The following GRID2 variants were observed in gnomAD, a reference collection of about 807,000 sequenced individuals.
GRID2 encodes glutamate receptor ionotropic, delta-2.
A neutral mutation model predicts 114.8 loss-of-function variants in GRID2; 33 were observed. That is an observed-to-expected ratio of 0.29 (90% CI 0.22 to 0.38). GRID2 has a LOEUF of 0.38. GRID2 is among the 10% of genes least tolerant of loss of function. The pLI is 1.00. For synonymous variants in GRID2, 505 were observed against 449.9 expected (o/e 1.12, Z -1.55); for missense variants, 1,184 against 1,257.7 (o/e 0.94, Z 0.89).
intron 1 of GRID2, among the ~76,000 whole-genome samples, chr4:92,556,259 C>T (rs1726844757): frequency 6.6e-6 from 1 of 152,032 alleles, no homozygotes. Context: ...TTTTTTATAT[C>T]CTTCTTTGTA....
intron 13 of GRID2, among the ~76,000 whole-genome samples, chr4:93,599,709 A>G (rs1739476086): frequency 6.6e-6 from 1 of 152,160 alleles, no homozygotes; most frequent in African/African-American, 2.4e-5. Context: ...AAGAGATATG[A>G]CCCTTGAGAG....
chr4:93,127,082 A>G (rs1369112453), intron 4 of GRID2, among the ~76,000 whole-genome samples: 2 of 152,240 alleles, frequency 1.3e-5, no homozygotes, highest in African/African-American at 4.8e-5. Flanking sequence ...TAGATAGAAC[A>G]GTATCTTAAT....
chr4:93,363,514 T>G (rs1762065779), intron 8 of GRID2, among the ~76,000 whole-genome samples: 1 of 152,218 alleles, frequency 6.6e-6, no homozygotes, highest in South Asian at 2.1e-4. Context: ...AAACTACCTC[T>G]GTTAATGATA....
intron 10 of GRID2, among the ~76,000 whole-genome samples, chr4:93,435,022 A>G (rs1373583055): frequency 6.6e-6 from 1 of 152,110 alleles, no homozygotes; most frequent in East Asian, 1.9e-4. Flanking sequence ...CACCCTCTTC[A>G]AAAGAACAAC....
chr4:92,873,334 C>T (rs1470265061), intron 2 of GRID2, among the ~76,000 whole-genome samples: 1 of 151,960 alleles, frequency 6.6e-6, no homozygotes, highest in Non-Finnish European at 1.5e-5. Flanking sequence ...TTAGCTAAAT[C>T]AAGTGTCTTA....
intron 2 of GRID2, among the ~76,000 whole-genome samples, chr4:92,871,672 C>T (rs71599262): frequency 3.7e-4 from 57 of 152,058 alleles, no homozygotes; most frequent in Non-Finnish European, 6.0e-4. Flanking sequence ...CTTTCGAAAC[C>T]GGCAAATATT....
chr4:92,304,670 C>T lies in GRID2; in HGVS notation c.14C>T (p.Pro5Leu). Residue 5 changes from proline (P) to leucine (L), a missense_variant, in exon 1 of 16, where the codon CCC becomes CTC. Physicochemically the swap from Pro to Leu is moderately conservative, Grantham distance 98. Transcript: ENST00000282020. MEVF[P>L]FLLVLSVWWS... ...GCATAGGAGGAGATGGAAGTTTTCC[C>T]CTTTCTCTTGGTTTTGTCCGTCTGG... The T allele has an allele frequency of 6.2e-7, 1 of 1,612,702 alleles. No individual in the cohort carries two copies. The highest frequency in any genetic ancestry group is 8.5e-7 in the Non-Finnish European group (1 of 1,178,880).
intron 1 of GRID2, among the ~76,000 whole-genome samples, chr4:92,421,728 T>C (rs1434966115): frequency 6.6e-6 from 1 of 152,136 alleles, no homozygotes; most frequent in Non-Finnish European, 1.5e-5. Flanking sequence ...TAGAGAGTAA[T>C]GCCCACTGCT....
At chr4:92,945,816 G>C (rs1278602287) in intron 2 of GRID2, among the ~76,000 whole-genome samples, 4 of 152,054 alleles carry the variant, frequency 2.6e-5, no homozygotes, top group Admixed American at 6.6e-5. Context: ...CCTTTTTACT[G>C]TCTGTAATTT....
chr4:92,366,921 A>G (rs1436540326), intron 1 of GRID2, among the ~76,000 whole-genome samples: 1 of 152,228 alleles, frequency 6.6e-6, no homozygotes, highest in East Asian at 1.9e-4. Context: ...TGCAAACCAC[A>G]TACCTAAAAA....
At chr4:92,989,458 A>G (rs72665227) in intron 2 of GRID2, among the ~76,000 whole-genome samples, 1 of 151,684 alleles carries the variant, frequency 6.6e-6, no homozygotes, top group Non-Finnish European at 1.5e-5. Context: ...TTTATGAAGG[A>G]GGTGGTGACT....
Position 92,871,624 on chromosome 4 carries a change from G to A in GRID2, c.245-213371G>A, listed in dbSNP as rs183453365. Among the ~76,000 whole-genome samples the A allele has an allele frequency of 9.6e-4, 146 of 152,200 alleles. 2 individuals are homozygous for A. The highest frequency in any genetic ancestry group is 2.9e-3 in the African/African-American group (122 of 41,548). The stretch of plus-strand genomic sequence containing the variant: ...TCAAGGAGCAGGGAAGAGGGTATAG[G>A]AAGCCAATAATTTAGAAACTTAATG... On this transcript the variant is annotated intron_variant, in intron 2 of 15. Transcript: ENST00000282020.
chr4:93,408,761 A>G (rs1766800904), intron 9 of GRID2, among the ~76,000 whole-genome samples: 1 of 152,154 alleles, frequency 6.6e-6, no homozygotes, highest in Non-Finnish European at 1.5e-5. Flanking sequence ...ATTCTTTTGT[A>G]AATCCCTGCA....
In GRID2 at chr4:93,297,564, A is replaced by G. The variant is rs531469965; in HGVS notation, c.1245+59074A>G. Among the ~76,000 whole-genome samples the G allele has an allele frequency of 2.0e-5, 3 of 152,278 alleles. No individual in the cohort carries two copies. In the South Asian group the frequency reaches 6.2e-4, roughly 32 times the overall value. On this transcript the variant is annotated intron_variant, in intron 8 of 15. Coordinates refer to ENST00000282020, the MANE Select transcript of GRID2 (RefSeq NM_001510.4). ...GACATGCTCAATGTAGTGATCCCTA[A>G]TCTGGGCTTTTTTAGATTTATAATC... is the stretch of plus-strand genomic sequence containing the variant.
chr4:92,837,921 C>T (rs559601429), intron 2 of GRID2, among the ~76,000 whole-genome samples: 3 of 152,186 alleles, frequency 2.0e-5, no homozygotes, highest in Middle Eastern at 3.4e-3. Flanking sequence ...TTACATATGT[C>T]ACTTGACTAT....
At position 93,723,975 on chromosome 4, in the gene GRID2, A is replaced by G. The variant is rs921938090; in HGVS notation, c.2361-45235A>G. On this transcript the variant is annotated intron_variant, in intron 14 of 15. Coordinates refer to ENST00000282020, the MANE Select transcript of GRID2 (RefSeq NM_001510.4). ...TAACGAACATACTATCACCACTTCCAAGGCTCTCTGTCAACATACAAACAT... is the reference window on the plus strand; with the variant it reads ...TAACGAACATACTATCACCACTTCCGAGGCTCTCTGTCAACATACAAACAT... Among the ~76,000 whole-genome samples, 7 of 152,218 alleles carry G rather than the reference A, an allele frequency of 4.6e-5. No individual in the cohort carries two copies. The East Asian group carries it at 1.2e-3, about 25-fold the overall frequency.
At chr4:93,228,732 AATTT>A (rs1397548070) in intron 7 of GRID2, among the ~76,000 whole-genome samples, 3 of 152,186 alleles carry the variant, frequency 2.0e-5, no homozygotes, top group Non-Finnish European at 4.4e-5. Flanking sequence ...TAATCCTGCC[AATTT>A]ATTAATTCAT....
chr4:93,593,840 A>C (rs1170816881), intron 13 of GRID2, among the ~76,000 whole-genome samples: 1 of 151,882 alleles, frequency 6.6e-6, no homozygotes, highest in Admixed American at 6.6e-5. Context: ...CTTCCAGTTG[A>C]TCGCATCGGC....
chr4:93,660,559 C>T (rs879518422), intron 14 of GRID2, among the ~76,000 whole-genome samples: 17 of 151,830 alleles, frequency 1.1e-4, no homozygotes, highest in East Asian at 5.8e-4. Flanking sequence ...GCAGTAGTCG[C>T]GTATCTGCCT....
Sources: gnomAD v4.1 joint callset for allele counts (sites outside exome capture counted in the v4.1 genomes callset) on GRCh38, gnomAD v4.1.1 for gene constraint, MANE v1.5 for transcripts, NCBI Gene and HGNC (gene_info 2026-07-23, HGNC 2026-07-21) for gene names.